ATRNL1: variants seen among roughly 807,000 people sequenced by gnomAD.
ATRNL1 encodes the protein attractin like 1, also known as attractin-like protein 1.
A neutral mutation model predicts 182.7 loss-of-function variants in ATRNL1; 95 were observed. The observed-to-expected ratio is 0.52, with a 90% CI of 0.44 to 0.62. The LOEUF (loss-of-function observed/expected upper bound fraction) is 0.62, where lower values mean the gene tolerates loss of function less well. Ranked by LOEUF, ATRNL1 falls within the 20% of genes least tolerant of loss-of-function variation. ATRNL1 has a pLI of 0.00. For synonymous variants in ATRNL1, 576 were observed against 568.3 expected (o/e 1.01, Z -0.19); for missense variants, 1,471 against 1,679.5 (o/e 0.88, Z 2.17).
At chr10:115,895,123 C>T (rs781980084) in intron 28 of ATRNL1, among the ~76,000 whole-genome samples, 9 of 152,182 alleles carry the variant, frequency 5.9e-5, no homozygotes, top group Non-Finnish European at 1.2e-4. Context: ...ATTGGTAATG[C>T]TCTCTTGGTT....
chr10:115,432,352 C>A (rs1202721348), intron 21 of ATRNL1, among the ~76,000 whole-genome samples: 1 of 152,026 alleles, frequency 6.6e-6, no homozygotes, highest in Non-Finnish European at 1.5e-5. Flanking sequence ...TACATAGGAT[C>A]CCTGCGTTCT....
At chr10:115,415,166 G>A (rs1247892294) in intron 20 of ATRNL1, among the ~76,000 whole-genome samples, 3 of 151,940 alleles carry the variant, frequency 2.0e-5, no homozygotes, top group African/African-American at 4.8e-5. Flanking sequence ...TAGCCCACAT[G>A]GGATGGCCTA....
At chr10:115,620,437 A>C (rs913457700) in intron 26 of ATRNL1, among the ~76,000 whole-genome samples, 1 of 152,228 alleles carries the variant, frequency 6.6e-6, no homozygotes, top group Non-Finnish European at 1.5e-5. Context: ...AGTTACATAA[A>C]GGATGATCGT....
intron 26 of ATRNL1, among the ~76,000 whole-genome samples, chr10:115,578,153 G>A (rs1435161849): frequency 6.6e-6 from 1 of 151,710 alleles, no homozygotes; most frequent in Non-Finnish European, 1.5e-5. Flanking sequence ...TATTTAGTTT[G>A]CGAGTTTTTT....
rs532806808 is a variant in ATRNL1 at position 115,623,002 on chromosome 10, G to C, written c.3795+73466G>C. ...GCTAACAGGTTGTCTTTATCACAAC[G>C]GTATAATAAATTATAATTTATAATT... On this transcript the variant is annotated intron_variant, in intron 26 of 28. Coordinates refer to ENST00000355044, the MANE Select transcript of ATRNL1 (RefSeq NM_207303.4). Among the ~76,000 whole-genome samples the C allele has an allele frequency of 2.0e-5, 3 of 151,998 alleles. No homozygotes were observed. The East Asian group carries it at 5.8e-4, about 29-fold the overall frequency.
chr10:115,628,164 AG>A (rs1858233310), intron 26 of ATRNL1, among the ~76,000 whole-genome samples: 1 of 151,830 alleles, frequency 6.6e-6, no homozygotes, highest in African/African-American at 2.4e-5. Context: ...AAAAAAAGAA[AG>A]AAAAAAAAAG....
chr10:115,899,921 C>T (rs1314807052), intron 28 of ATRNL1, among the ~76,000 whole-genome samples: 2 of 152,264 alleles, frequency 1.3e-5, no homozygotes, highest in African/African-American at 4.8e-5. Flanking sequence ...ATCTTCATCT[C>T]ATAAAAACTT....
At chr10:115,580,981 G>C (rs1469655784) in intron 26 of ATRNL1, among the ~76,000 whole-genome samples, 1 of 152,058 alleles carries the variant, frequency 6.6e-6, no homozygotes, top group Non-Finnish European at 1.5e-5. Context: ...CCATATGACT[G>C]TTTCTTTGAA....
chr10:115,535,272 C>G (rs1391439560), intron 25 of ATRNL1, among the ~76,000 whole-genome samples: 4 of 151,704 alleles, frequency 2.6e-5, no homozygotes, highest in African/African-American at 9.7e-5. Flanking sequence ...GGTCTTTTCA[C>G]ATAATCCCAT....
chr10:115,399,835 C>T (rs1482148537), intron 20 of ATRNL1, among the ~76,000 whole-genome samples: 1 of 151,898 alleles, frequency 6.6e-6, no homozygotes, highest in East Asian at 1.9e-4. Context: ...CTTAAGACTT[C>T]CTGGAAGACA....
At chr10:115,806,211 C>G (rs1037417387) in intron 27 of ATRNL1, among the ~76,000 whole-genome samples, 3 of 152,056 alleles carry the variant, frequency 2.0e-5, no homozygotes, top group Non-Finnish European at 4.4e-5. Context: ...GCTGTATTCA[C>G]TAAATATTTT....
intron 8 of ATRNL1, among the ~76,000 whole-genome samples, chr10:115,173,584 G>A (rs1554886126): frequency 6.6e-6 from 1 of 151,818 alleles, no homozygotes; most frequent in East Asian, 1.9e-4. Context: ...TAAAGTGTTA[G>A]TGTATTTTTC....
chr10:115,550,273 T>C (rs1554995218), intron 26 of ATRNL1, among the ~76,000 whole-genome samples: 1 of 151,852 alleles, frequency 6.6e-6, no homozygotes, highest in African/African-American at 2.4e-5. Context: ...ATGTATTCTA[T>C]TGTATTAATC....
chr10:115,789,712 T>A (rs1949480969), intron 27 of ATRNL1, among the ~76,000 whole-genome samples: 1 of 152,228 alleles, frequency 6.6e-6, no homozygotes, highest in Non-Finnish European at 1.5e-5. Flanking sequence ...TCCTGCCTAG[T>A]CTTAGTCATT....
intron 9 of ATRNL1, among the ~76,000 whole-genome samples, chr10:115,223,915 A>G (rs1451766052): frequency 0.13 from 4,625 of 35,484 alleles, 74 homozygotes; most frequent in Non-Finnish European, 0.18. Flanking sequence ...GTGTGTGTGT[A>G]TATATATATA....
chr10:115,530,570 A>G (rs1329258369), intron 25 of ATRNL1, among the ~76,000 whole-genome samples: 1 of 152,172 alleles, frequency 6.6e-6, no homozygotes, highest in Non-Finnish European at 1.5e-5. Flanking sequence ...CAAGCATGCA[A>G]GTGAGCAGAA....
At chr10:115,260,825 A>T (rs1851362325) in intron 10 of ATRNL1, among the ~76,000 whole-genome samples, 2 of 152,144 alleles carry the variant, frequency 1.3e-5, no homozygotes, top group South Asian at 4.1e-4. Flanking sequence ...AGTATTATGA[A>T]TAATGGACAA....
chr10:115,214,376 T>C (rs1849152043), intron 8 of ATRNL1, among the ~76,000 whole-genome samples: 1 of 151,924 alleles, frequency 6.6e-6, no homozygotes, highest in African/African-American at 2.4e-5. Context: ...ATAAGTTGTC[T>C]TTTACTTCAT....
chr10:115,322,887 T>C (rs1393548634), intron 18 of ATRNL1, among the ~76,000 whole-genome samples: 2 of 152,096 alleles, frequency 1.3e-5, no homozygotes, highest in African/African-American at 4.8e-5. Flanking sequence ...TGAGAAATGA[T>C]TTTATCTCTT....
Sources: allele counts gnomAD v4.1 joint callset (sites outside exome capture counted in the v4.1 genomes callset), GRCh38; gene constraint gnomAD v4.1.1; transcripts MANE v1.5; gene names NCBI Gene and HGNC (gene_info 2026-07-23, HGNC 2026-07-21).